The following CROCC variants were observed in gnomAD, a reference collection of about 807,000 sequenced individuals.
The protein encoded by CROCC is ciliary rootlet coiled-coil, rootletin, also known as rootletin.
CROCC carries 180 observed loss-of-function variants against 245.2 expected under a neutral mutation model. That is an observed-to-expected ratio of 0.73 (90% CI 0.65 to 0.83). CROCC has a LOEUF of 0.83. CROCC is among the 40% of genes least tolerant of loss of function. CROCC has a pLI of 0.00. For missense variants in CROCC, 2,688 were observed against 2,779.4 expected (o/e 0.97, Z 0.74); for synonymous variants, 1,205 against 1,241.6 (o/e 0.97, Z 0.62).
At chr1:16,924,144 C>A (rs569150315) in intron 2 of CROCC, among the ~76,000 whole-genome samples, 181 bp from the exon 3 acceptor site, 1 of 152,400 alleles carries the variant, frequency 6.6e-6, no homozygotes, top group East Asian at 1.9e-4. Context: ...ACTTTACGTC[C>A]AGCTTTGTAT....
rs769919779 is a variant in CROCC at position 16,950,951 on chromosome 1, A to G, written c.2837-2A>G. ...GCCCTTTCCCCCATTCCTCTCGTGC[A>G]GGGGAGTTGGCGGGCCTGCGGCAGC... is the stretch of plus-strand genomic sequence containing the variant. On this transcript the variant is annotated splice_acceptor_variant, in intron 19 of 36. Coordinates refer to ENST00000375541, the MANE Select transcript of CROCC (RefSeq NM_014675.5). LOFTEE classifies it high-confidence loss of function. 1 of 1,544,802 alleles carries G rather than the reference A, an allele frequency of 6.5e-7. No individual in the cohort carries two copies. The highest frequency in any genetic ancestry group is 8.7e-7 in the Non-Finnish European group (1 of 1,145,212).
At chr1:16,970,529 G>T in intron 34 of CROCC, 76 bp downstream of exon 34, 4 of 1,482,084 alleles carry the variant, frequency 2.7e-6, no homozygotes, top group South Asian at 2.7e-5. Context: ...CATCCCCAGG[G>T]TCTGCTACCT....
chr1:16,961,683 G>A (rs2076336975), intron 27 of CROCC, among the ~76,000 whole-genome samples: 1 of 152,128 alleles, frequency 6.6e-6, no homozygotes, highest in African/African-American at 2.4e-5. Context: ...GGCTCCCTCT[G>A]CCTTGGCAGC....
chr1:16,924,887 G>A (rs1188127440), intron 3 of CROCC, among the ~76,000 whole-genome samples: 1 of 152,388 alleles, frequency 6.6e-6, no homozygotes, highest in African/African-American at 2.4e-5. Context: ...CTGGCTCGAG[G>A]CTGGTGTGGG....
At chr1:16,928,809 AT>A (rs1421015874) in intron 3 of CROCC, among the ~76,000 whole-genome samples, 1 of 151,848 alleles carries the variant, frequency 6.6e-6, no homozygotes, top group Non-Finnish European at 1.5e-5. Flanking sequence ...TCTCAAAAAA[AT>A]AAATAAATAA....
chr1:16,951,382 T>C (rs1049240692), intron 20 of CROCC: 29 of 320,652 alleles, frequency 9.0e-5, no homozygotes, highest in Middle Eastern at 8.2e-4. Flanking sequence ...TGACCTAATG[T>C]ACAGCAGGAA....
intron 8 of CROCC, among the ~76,000 whole-genome samples, chr1:16,936,285 T>C (rs1288389936): frequency 1.3e-5 from 2 of 152,268 alleles, no homozygotes; most frequent in African/African-American, 2.4e-5. Flanking sequence ...TTATTTATTT[T>C]GAGACACAGT....
chr1:16,917,335 G>T (rs1322593622), upstream of CROCC, among the ~76,000 whole-genome samples: 5 of 152,286 alleles, frequency 3.3e-5, no homozygotes, highest in African/African-American at 1.2e-4. Context: ...CTGGCTCGTG[G>T]TTGGTTCAAT....
In CROCC at chr1:16,971,460, T is replaced by C. The variant is rs1203261658; in HGVS notation, c.5785-5T>C. On this transcript the variant is annotated splice_region_variant and splice_polypyrimidine_tract_variant and intron_variant, in intron 35 of 36. Coordinates refer to ENST00000375541, the MANE Select transcript of CROCC (RefSeq NM_014675.5). ...CAGAACGCGGACCACAGCCCCTCCC[T>C]GCAGGCGCAGGTGGTGGTGCTGGAG... 5.9e-6 allele frequency: 9 copies of C among 1,532,444 alleles called. No individual in the cohort carries two copies. Among genetic ancestry groups the C allele is most frequent in the East Asian group, 2.5e-5 (1 of 40,748 alleles). The allele number at this position is 1,532,444 out of a possible 1,614,324, so 94.9% of individuals were successfully genotyped here. A position where few individuals can be genotyped will look rare whatever the true frequency, so the allele number is the denominator to read the frequency against.
Position 16,954,735 on chromosome 1 carries a change from G to A in CROCC, c.3323G>A (p.Ser1108Asn), listed in dbSNP as rs1483022470. The A allele has an allele frequency of 6.4e-7, 1 of 1,552,032 alleles. No homozygotes were observed. Among genetic ancestry groups the A allele is most frequent in the African/African-American group, 1.4e-5 (1 of 73,300 alleles). The change falls in exon 23 of 37, where the codon AGC (serine) becomes AAC (asparagine). Residue 1108 changes from serine (S) to asparagine (N), a missense_variant and splice_region_variant. Transcript: ENST00000375541. The surrounding 1 kb of genome is among the most constrained non-coding windows in gnomAD (Gnocchi z 4.4). ...DAQSRQEQDR[S>N]TVNALTSELR... ...GTCTGAGGAGCCCCTCTGTCCCAGA[G>A]CACCGTGAACGCTCTGACGTCTGAG...
intron 8 of CROCC, among the ~76,000 whole-genome samples, chr1:16,934,460 T>C (rs2075745402): frequency 6.6e-6 from 1 of 152,226 alleles, no homozygotes; most frequent in Admixed American, 6.5e-5. Context: ...CCACTATATC[T>C]AGCTAATTTT....
chr1:16,968,570 C>T (rs2076459434), intron 31 of CROCC, 152 bp downstream of exon 31: 1 of 878,210 alleles, frequency 1.1e-6, no homozygotes, highest in Admixed American at 3.4e-5. Flanking sequence ...GAGGTGATGT[C>T]ATTGTCTAAG....
At chr1:16,967,290 G>A (rs2076434447) in intron 30 of CROCC, among the ~76,000 whole-genome samples, 1 of 152,106 alleles carries the variant, frequency 6.6e-6, no homozygotes, top group Non-Finnish European at 1.5e-5. Context: ...GTGTGTATGT[G>A]CGTCTGTCGG....
chr1:16,957,815 G>A (rs1368504115), intron 25 of CROCC, among the ~76,000 whole-genome samples: 1 of 152,198 alleles, frequency 6.6e-6, no homozygotes, highest in Non-Finnish European at 1.5e-5. Context: ...GATAGCCAGA[G>A]ATATTCTGAT....
In CROCC at chr1:16,922,089, G is replaced by A. The variant is rs1278284322; in HGVS notation, c.60+11G>A. The A allele has an allele frequency of 6.5e-7, 1 of 1,541,932 alleles. No homozygotes were observed. On this transcript the variant is annotated intron_variant, in intron 1 of 36. Coordinates refer to ENST00000375541, the MANE Select transcript of CROCC (RefSeq NM_014675.5). ...GAGACGGTTATCCAGGTGGGTCCTG[G>A]GGGCTGTGCCCACCCTGTCTGGGGC... is the stretch of plus-strand genomic sequence containing the variant.
At position 16,966,561 on chromosome 1, in the gene CROCC, G is replaced by T; in HGVS notation, c.4850G>T (p.Arg1617Leu). ...RSLQATESEL[R>L]ASQEKISKMK... ...CTGCAGGCCACCGAGAGCGAGCTCC[G>T]GGCCAGCCAGGTGGGCAGGAGCTGA... The change falls in exon 30 of 37, where the codon CGG becomes CTG. Residue 1617 changes from arginine to leucine, a missense_variant. Physicochemically the swap from Arg to Leu is moderately radical, Grantham distance 102 (BLOSUM62 -2). Transcript: ENST00000375541. The surrounding 1 kb of genome is among the most constrained non-coding windows in gnomAD (Gnocchi z 4.8). 1.3e-6 allele frequency: 2 copies of T among 1,482,842 alleles called. No homozygotes were observed. The highest frequency in any genetic ancestry group is 1.8e-6 in the Non-Finnish European group (2 of 1,119,332). 91.9% of individuals were successfully genotyped at this position (1,482,842 alleles called of 1,614,324 possible).
At chr1:16,963,397 G>C (rs542239667) in intron 27 of CROCC, among the ~76,000 whole-genome samples, 122 of 152,018 alleles carry the variant, frequency 8.0e-4, no homozygotes, top group African/African-American at 2.8e-3. Context: ...GCATCAAGCA[G>C]GGGGGTGAGA....
chr1:16,923,201 G>T (rs1376438534), intron 2 of CROCC, among the ~76,000 whole-genome samples: 1 of 152,276 alleles, frequency 6.6e-6, no homozygotes. Flanking sequence ...TCCCACGTGG[G>T]CAGGAAGGCG....
intron 2 of CROCC, 124 bp from the exon 3 acceptor site, chr1:16,924,201 G>A (rs1422587904): frequency 3.3e-6 from 4 of 1,216,356 alleles, no homozygotes; most frequent in Admixed American, 2.2e-5. Flanking sequence ...TGCAGGCCTG[G>A]TGCTGCAGCC....
Sources: allele counts gnomAD v4.1 joint callset (sites outside exome capture counted in the v4.1 genomes callset), GRCh38; gene constraint gnomAD v4.1.1; non-coding constraint Gnocchi (gnomAD v3.1); transcripts MANE v1.5; gene names NCBI Gene and HGNC (gene_info 2026-07-23, HGNC 2026-07-21).